RANBP2: variants seen among roughly 807,000 people sequenced by gnomAD.
RANBP2 encodes E3 SUMO-protein ligase RanBP2.
In RANBP2, 57 loss-of-function variants were observed where a neutral mutation model predicts 303.6. The observed-to-expected ratio is 0.19, with a 90% CI of 0.15 to 0.23. The LOEUF (loss-of-function observed/expected upper bound fraction) is 0.23, where lower values mean the gene tolerates loss of function less well. Among genes scored for constraint, RANBP2 ranks in the 10% least tolerant of loss-of-function variants. RANBP2 has a pLI of 1.00. For synonymous variants in RANBP2, 1,167 were observed against 1,301.5 expected (o/e 0.90, Z 2.23); for missense variants, 3,138 against 3,780.8 (o/e 0.83, Z 4.46).
the RANBP2 span, among the ~76,000 whole-genome samples, chr2:108,904,307 C>G: frequency 1.3e-5 from 2 of 152,184 alleles, no homozygotes; most frequent in African/African-American, 4.8e-5. Flanking sequence ...CATAGTAACA[C>G]CACCAAATGC....
At chr2:109,723,505 A>G in the RANBP2 span, among the ~76,000 whole-genome samples, 2 of 152,224 alleles carry the variant, frequency 1.3e-5, no homozygotes, top group South Asian at 4.1e-4. Context: ...TTCAATTTAC[A>G]TTTCTATAAT....
At chr2:109,384,023 C>T in the RANBP2 span, among the ~76,000 whole-genome samples, 1 of 152,350 alleles carries the variant, frequency 6.6e-6, no homozygotes, top group East Asian at 1.9e-4. Flanking sequence ...CCATCCTTTC[C>T]ATCTCTGCTT....
the RANBP2 span, among the ~76,000 whole-genome samples, chr2:108,944,302 C>T: frequency 1.5e-4 from 23 of 152,216 alleles, no homozygotes; most frequent in Admixed American, 9.2e-4. Context: ...TTAGTAGAGA[C>T]GGGGTTTCAC....
the RANBP2 span, among the ~76,000 whole-genome samples, chr2:109,609,622 A>G: frequency 6.6e-6 from 1 of 151,800 alleles, no homozygotes; most frequent in South Asian, 2.1e-4. Context: ...CCTCAAAAAA[A>G]AAAAAAAAAA....
the RANBP2 span, among the ~76,000 whole-genome samples, chr2:109,204,603 G>A: frequency 2.0e-5 from 3 of 152,188 alleles, no homozygotes; most frequent in South Asian, 6.2e-4. Context: ...TCCAGGTGCC[G>A]GCAGCGCCAC....
At chr2:108,924,449 G>A in the RANBP2 span, among the ~76,000 whole-genome samples, 2 of 152,190 alleles carry the variant, frequency 1.3e-5, no homozygotes, top group African/African-American at 2.4e-5. Flanking sequence ...TTGTCACACT[G>A]TGAGTAGTCG....
the RANBP2 span, chr2:108,885,146 A>C: frequency 6.6e-6 from 1 of 152,162 alleles, no homozygotes; most frequent in African/African-American, 2.4e-5. Context: ...CTTCCTATTC[A>C]CAAACCCACC....
the RANBP2 span, chr2:108,873,520 G>A: frequency 1.9e-4 from 306 of 1,612,264 alleles, no homozygotes; most frequent in Admixed American, 3.8e-4. Context: ...GTGCTGCTTC[G>A]AGCCCCTAAG....
the RANBP2 span, among the ~76,000 whole-genome samples, chr2:108,897,418 A>T: frequency 6.6e-6 from 1 of 152,188 alleles, no homozygotes; most frequent in Admixed American, 6.5e-5. Flanking sequence ...TGCCAGCCAC[A>T]AGAGAGGGCT....
At chr2:109,195,389 A>T in the RANBP2 span, among the ~76,000 whole-genome samples, 2 of 152,202 alleles carry the variant, frequency 1.3e-5, no homozygotes, top group Non-Finnish European at 2.9e-5. Context: ...GCCCTCTGGG[A>T]CCAGGCAGGC....
chr2:109,076,082 T>TTATACA, the RANBP2 span, among the ~76,000 whole-genome samples: 1 of 150,552 alleles, frequency 6.6e-6, no homozygotes, highest in Admixed American at 6.6e-5. Flanking sequence ...ACTAAAAAGT[T>TTATACA]TATACATTGT....
At chr2:108,876,166 T>G in the RANBP2 span, 181 of 1,612,212 alleles carry the variant, frequency 1.1e-4, no homozygotes, top group African/African-American at 2.2e-3. Context: ...ACCCAGAGCA[T>G]GCATTTCTCT....
chr2:108,954,744 C>T, the RANBP2 span, among the ~76,000 whole-genome samples: 48 of 151,712 alleles, frequency 3.2e-4, 1 homozygote, highest in African/African-American at 9.9e-4. Context: ...GGCGTGATCT[C>T]GGCTCACTGC....
At chr2:109,377,526 C>A in the RANBP2 span, among the ~76,000 whole-genome samples, 3 of 152,144 alleles carry the variant, frequency 2.0e-5, no homozygotes, top group African/African-American at 7.2e-5. Flanking sequence ...ATGCTTGTGC[C>A]TTAGTTGGTT....
chr2:108,764,146 C>T lies in RANBP2; in HGVS notation c.3607C>T (p.Arg1203Cys). The T allele has an allele frequency of 1.2e-6, 2 of 1,613,948 alleles. No individual in the cohort carries two copies. The highest frequency in any genetic ancestry group is 1.7e-6 in the Non-Finnish European group (2 of 1,179,942). ...CTTTTGCAACCGCGCGAAATTGTTT[C>T]GTTTCGATGTAGAATCCAAAGAATG... is the stretch of plus-strand genomic sequence containing the variant. Reference protein sequence around the residue: ...EFFCNRAKLFRFDVESKEWKE... With the variant: ...EFFCNRAKLFCFDVESKEWKE... The change falls in exon 20 of 29, where the codon CGT becomes TGT. Residue 1203 changes from arginine to cysteine, a missense_variant. Transcript: ENST00000283195.
chr2:109,065,934 GC>G, the RANBP2 span, among the ~76,000 whole-genome samples: 2 of 152,052 alleles, frequency 1.3e-5, no homozygotes, highest in African/African-American at 4.8e-5. Context: ...AGCTTCTGTT[GC>G]CAGCTCTTGT....
At chr2:109,510,241 CAGA>C in the RANBP2 span, among the ~76,000 whole-genome samples, 1 of 152,156 alleles carries the variant, frequency 6.6e-6, no homozygotes, top group South Asian at 2.1e-4. Flanking sequence ...CCTTCCAGGC[CAGA>C]AGCAGGAGGC....
chr2:109,437,964 ATC>A, the RANBP2 span, among the ~76,000 whole-genome samples: 5 of 152,114 alleles, frequency 3.3e-5, no homozygotes, highest in African/African-American at 1.2e-4. Context: ...ATAACACAGA[ATC>A]TCTCTTCCCA....
the RANBP2 span, among the ~76,000 whole-genome samples, chr2:109,144,461 C>T: frequency 6.6e-6 from 1 of 152,214 alleles, no homozygotes; most frequent in South Asian, 2.1e-4. Context: ...GCCCTGGTTT[C>T]CTGTGTGTCT....
Sources: allele counts gnomAD v4.1 joint callset (sites outside exome capture counted in the v4.1 genomes callset), GRCh38; gene constraint gnomAD v4.1.1; transcripts MANE v1.5; gene names NCBI Gene and HGNC (gene_info 2026-07-23, HGNC 2026-07-21).